The following HMG20A variants were observed in gnomAD, a reference collection of about 807,000 sequenced individuals.
The protein encoded by HMG20A is high mobility group 20A, also known as high mobility group protein 20A.
In HMG20A, 17 loss-of-function variants were observed where a neutral mutation model predicts 43.9. The ratio of observed to expected loss-of-function variants is 0.39; its 90% CI spans 0.27 to 0.58. The LOEUF (loss-of-function observed/expected upper bound fraction) is 0.58, where lower values mean the gene tolerates loss of function less well. Among genes scored for constraint, HMG20A ranks in the 20% least tolerant of loss-of-function variants. The pLI is 0.59. For synonymous variants in HMG20A, 132 were observed against 147.5 expected (o/e 0.89, Z 0.76); for missense variants, 341 against 438.2 (o/e 0.78, Z 1.98).
chr15:77,511,714 C>T, the HMG20A span, among the ~76,000 whole-genome samples: 1 of 152,134 alleles, frequency 6.6e-6, no homozygotes, highest in Non-Finnish European at 1.5e-5. Flanking sequence ...TAATGAGATG[C>T]CGCCTCACAC....
chr15:77,451,586 A>T (rs532603742), intron 1 of HMG20A, among the ~76,000 whole-genome samples: 19 of 152,174 alleles, frequency 1.2e-4, no homozygotes, highest in Non-Finnish European at 2.4e-4. Context: ...GAGACACAGA[A>T]CCTATGGATA....
At chr15:77,482,168 T>G (rs62007339) in intron 9 of HMG20A, 11,582 of 151,994 alleles carry the variant, frequency 0.076, 581 homozygotes, top group Non-Finnish European at 0.1. Flanking sequence ...AAGGAAGAGG[T>G]GGATGGGGGA....
At chr15:77,499,468 A>T in the HMG20A span, among the ~76,000 whole-genome samples, 3 of 151,946 alleles carry the variant, frequency 2.0e-5, no homozygotes, top group African/African-American at 4.8e-5. Context: ...GGAATCCTAC[A>T]CGCCTCTCCC....
the HMG20A span, among the ~76,000 whole-genome samples, chr15:77,515,759 G>A: frequency 6.6e-6 from 1 of 152,206 alleles, no homozygotes; most frequent in Non-Finnish European, 1.5e-5. Flanking sequence ...GCATGAACAT[G>A]GGGCCACCAT....
the HMG20A span, among the ~76,000 whole-genome samples, chr15:77,519,047 C>CCGGGT: frequency 6.6e-6 from 1 of 152,156 alleles, no homozygotes; most frequent in African/African-American, 2.4e-5. Flanking sequence ...AGAAACCAGC[C>CCGGGT]CGGGTCACGC....
chr15:77,425,455 A>G (rs1441743458), intron 1 of HMG20A, among the ~76,000 whole-genome samples: 2 of 152,212 alleles, frequency 1.3e-5, no homozygotes, highest in African/African-American at 4.8e-5. Context: ...AGACACTCAA[A>G]TATCTATAAA....
intron 1 of HMG20A, among the ~76,000 whole-genome samples, chr15:77,425,064 C>T (rs1396006733): frequency 6.6e-6 from 1 of 152,102 alleles, no homozygotes; most frequent in Non-Finnish European, 1.5e-5. Flanking sequence ...ATCAAAATGC[C>T]ACTTTCTTTG....
chr15:77,516,331 C>T, the HMG20A span, among the ~76,000 whole-genome samples: 134 of 152,162 alleles, frequency 8.8e-4, no homozygotes, highest in Admixed American at 2.4e-3. Flanking sequence ...TTATTTGAGC[C>T]GGGTGCAGTG....
At chr15:77,421,738 C>G (rs990308917) in intron 1 of HMG20A, among the ~76,000 whole-genome samples, 4 of 152,220 alleles carry the variant, frequency 2.6e-5, no homozygotes, top group African/African-American at 9.6e-5. Flanking sequence ...AAATTGACAT[C>G]TTAAATTATT....
chr15:77,504,767 C>T, the HMG20A span, among the ~76,000 whole-genome samples: 2 of 151,984 alleles, frequency 1.3e-5, no homozygotes, highest in East Asian at 3.9e-4. Flanking sequence ...CTGGGCGTTA[C>T]AAATGGGGGG....
chr15:77,506,964 C>T, the HMG20A span, among the ~76,000 whole-genome samples: 1 of 152,244 alleles, frequency 6.6e-6, no homozygotes, highest in Non-Finnish European at 1.5e-5. Flanking sequence ...GCCACCATGC[C>T]TGTTTCTGGA....
intron 2 of HMG20A, among the ~76,000 whole-genome samples, chr15:77,460,214 G>A (rs1161551011): frequency 6.6e-6 from 1 of 152,172 alleles, no homozygotes; most frequent in Non-Finnish European, 1.5e-5. Context: ...CCTCATTGGA[G>A]TGTGTTTCAA....
chr15:77,499,730 A>G, the HMG20A span, among the ~76,000 whole-genome samples: 1 of 152,012 alleles, frequency 6.6e-6, no homozygotes, highest in East Asian at 1.9e-4. Context: ...AGCCAGTCTC[A>G]TTTGTCCCCC....
chr15:77,445,172 G>A (rs2073659332), intron 1 of HMG20A, among the ~76,000 whole-genome samples: 1 of 152,186 alleles, frequency 6.6e-6, no homozygotes, highest in African/African-American at 2.4e-5. Flanking sequence ...GCTTTTGAGA[G>A]GGTAAACGAT....
At chr15:77,422,246 G>T (rs1401348888) in intron 1 of HMG20A, among the ~76,000 whole-genome samples, 1 of 152,130 alleles carries the variant, frequency 6.6e-6, no homozygotes. Flanking sequence ...AAGAATTTTT[G>T]AAGTAATAAG....
At chr15:77,515,091 T>C in the HMG20A span, among the ~76,000 whole-genome samples, 102 of 152,184 alleles carry the variant, frequency 6.7e-4, no homozygotes, top group African/African-American at 2.4e-3. Context: ...TTGGTCATGG[T>C]TGGGTTGAGT....
At chr15:77,509,250 T>C in the HMG20A span, among the ~76,000 whole-genome samples, 1 of 151,948 alleles carries the variant, frequency 6.6e-6, no homozygotes, top group Non-Finnish European at 1.5e-5. Context: ...TTCCTTTCTC[T>C]TTCATCTTTC....
chr15:77,432,674 A>G (rs1441347064), intron 1 of HMG20A, among the ~76,000 whole-genome samples: 1 of 149,218 alleles, frequency 6.7e-6, no homozygotes, highest in African/African-American at 2.5e-5. Context: ...GTAAGCCGAG[A>G]TCGCGCCATT....
chr15:77,467,791 T>G (rs1462463294), intron 4 of HMG20A, among the ~76,000 whole-genome samples: 1 of 152,226 alleles, frequency 6.6e-6, no homozygotes, highest in Non-Finnish European at 1.5e-5. Context: ...CTTGAATTCT[T>G]TCTCCTCTAA....
Sources: gnomAD v4.1 joint callset for allele counts (sites outside exome capture counted in the v4.1 genomes callset) on GRCh38, gnomAD v4.1.1 for gene constraint, MANE v1.5 for transcripts, NCBI Gene and HGNC (gene_info 2026-07-23, HGNC 2026-07-21) for gene names.